Variants in FAM174A observed in about 807,000 individuals in gnomAD.
FAM174A encodes the protein family with sequence similarity 174 member A, also known as membrane protein FAM174A.
FAM174A carries 14 observed loss-of-function variants against 14.3 expected under a neutral mutation model. That is an observed-to-expected ratio of 0.98 (90% CI 0.65 to 1.53). FAM174A has a LOEUF of 1.53. Ranked by LOEUF, FAM174A falls within the 40% of genes most tolerant of loss-of-function variation. The pLI is 0.00. For synonymous variants in FAM174A, 108 were observed against 111.4 expected (o/e 0.97, Z 0.19); for missense variants, 241 against 249.6 (o/e 0.97, Z 0.23).
At chr5:100,570,258 T>C (rs1746752814) in intron 2 of FAM174A, among the ~76,000 whole-genome samples, 1 of 151,920 alleles carries the variant, frequency 6.6e-6, no homozygotes, top group Non-Finnish European at 1.5e-5. Flanking sequence ...GACATTTTTT[T>C]CGGTAATGAG....
At chr5:100,556,963 G>A (rs1243960987) in intron 1 of FAM174A, among the ~76,000 whole-genome samples, 1 of 152,154 alleles carries the variant, frequency 6.6e-6, no homozygotes, top group Non-Finnish European at 1.5e-5. Flanking sequence ...GCCCTGACCA[G>A]AACTTCCAAC....
At chr5:100,576,648 G>A (rs574188028) in intron 2 of FAM174A, among the ~76,000 whole-genome samples, 1 of 152,222 alleles carries the variant, frequency 6.6e-6, no homozygotes, top group Admixed American at 6.5e-5. Flanking sequence ...TGGATATTGA[G>A]TAGCTAACCA....
At position 100,535,587 on chromosome 5, in the gene FAM174A, C is replaced by T. The variant is rs577301081; in HGVS notation, c.57C>T (p.Leu19=). ...CLSHLLASVL[L]LLLLPELSGP... ...GCCACCTCTTGGCTTCCGTCCTCCT[C>T]CTGCTGTTGCTGCCTGAACTAAGCG... Residue 19 remains leucine (L), a synonymous_variant, in exon 1 of 3, where the codon CTC becomes CTT. Transcript: ENST00000312637. 5.6e-6 allele frequency: 9 copies of T among 1,613,302 alleles called. No homozygotes were observed. In the East Asian group the frequency reaches 1.6e-4, roughly 28 times the overall value.
At chr5:100,586,111 GAATA>G in intron 2 of FAM174A, 66 bp from the exon 3 acceptor site, 1 of 813,608 alleles carries the variant, frequency 1.2e-6, no homozygotes, top group Non-Finnish European at 1.9e-6. Flanking sequence ...AAATCTTTCT[GAATA>G]GTTTTAAATG....
At chr5:100,570,727 A>G (rs143422437) in intron 2 of FAM174A, among the ~76,000 whole-genome samples, 8 of 152,132 alleles carry the variant, frequency 5.3e-5, no homozygotes, top group African/African-American at 1.7e-4. Context: ...ATCCCGGATT[A>G]TATGCATATA....
intron 2 of FAM174A, among the ~76,000 whole-genome samples, chr5:100,582,137 T>G (rs1004829707): frequency 6.6e-6 from 1 of 152,154 alleles, no homozygotes; most frequent in African/African-American, 2.4e-5. Flanking sequence ...CAGATTGACT[T>G]TTTTTCATAG....
At chr5:100,547,935 C>T (rs554640918) in intron 1 of FAM174A, among the ~76,000 whole-genome samples, 3 of 152,048 alleles carry the variant, frequency 2.0e-5, no homozygotes, top group African/African-American at 7.2e-5. Flanking sequence ...CCACTCTTGC[C>T]TTTCTATAGG....
chr5:100,572,696 A>G (rs1746816695), intron 2 of FAM174A, among the ~76,000 whole-genome samples: 1 of 152,078 alleles, frequency 6.6e-6, no homozygotes, highest in South Asian at 2.1e-4. Context: ...ATTGTGAATA[A>G]TGCCACAATA....
rs763670180 is a variant in FAM174A, at chr5:100,535,826, A to C, written c.296A>C (p.Lys99Thr). The C allele has an allele frequency of 1.4e-5, 22 of 1,611,008 alleles. 1 individual carries two copies. The South Asian group carries it at 2.4e-4, about 18-fold the overall frequency. The change falls in exon 1 of 3, where the codon AAG (lysine) becomes ACG (threonine). Residue 99 changes from lysine (K) to threonine (T), a missense_variant. Lys to Thr is a moderately conservative substitution (Grantham distance 78). Coordinates refer to ENST00000312637, the MANE Select transcript of FAM174A (RefSeq NM_198507.3). ...CTTGAGACGGACGATCACGGAGGGA[A>C]GGCCGGGGAAGGCTCGGTGGGTGGC... ...AGLETDDHGG[K>T]AGEGSVGGGL...
chr5:100,558,191 A>G (rs1419205449), intron 1 of FAM174A, among the ~76,000 whole-genome samples: 2 of 152,078 alleles, frequency 1.3e-5, no homozygotes, highest in Non-Finnish European at 1.5e-5. Context: ...TCATTTCGTT[A>G]TGTACCCAGT....
At chr5:100,574,247 G>A (rs1012928462) in intron 2 of FAM174A, among the ~76,000 whole-genome samples, 1 of 152,036 alleles carries the variant, frequency 6.6e-6, no homozygotes, top group Non-Finnish European at 1.5e-5. Flanking sequence ...GGAGTGCAGT[G>A]GCACTATCTC....
intron 2 of FAM174A, among the ~76,000 whole-genome samples, chr5:100,573,912 A>C (rs919522544): frequency 4.6e-5 from 7 of 152,082 alleles, no homozygotes; most frequent in African/African-American, 1.7e-4. Context: ...AGCCCTCAGA[A>C]ATAACACCGC....
chr5:100,549,712 G>A (rs1312095783), intron 1 of FAM174A, among the ~76,000 whole-genome samples: 4 of 151,756 alleles, frequency 2.6e-5, no homozygotes. Context: ...AAGGATGCAC[G>A]TGGTCGAGAT....
intron 1 of FAM174A, among the ~76,000 whole-genome samples, chr5:100,542,270 G>C (rs1746072069): frequency 6.6e-6 from 1 of 152,160 alleles, no homozygotes; most frequent in Non-Finnish European, 1.5e-5. Context: ...AGATGATTCA[G>C]ACTTGTTTTC....
intron 2 of FAM174A, among the ~76,000 whole-genome samples, chr5:100,564,803 C>A (rs1438128682): frequency 6.6e-6 from 1 of 151,736 alleles, no homozygotes; most frequent in East Asian, 1.9e-4. Flanking sequence ...TAGAAACATA[C>A]AATCTATGAA....
intron 2 of FAM174A, among the ~76,000 whole-genome samples, chr5:100,569,033 A>G (rs576838686): frequency 2.6e-5 from 4 of 152,090 alleles, no homozygotes; most frequent in Non-Finnish European, 1.5e-5. Flanking sequence ...AGACACACAC[A>G]AAAGTTCTAG....
intron 2 of FAM174A, among the ~76,000 whole-genome samples, chr5:100,574,439 C>T (rs548154976): frequency 3.0e-4 from 45 of 152,196 alleles, no homozygotes; most frequent in Non-Finnish European, 6.2e-4. Flanking sequence ...CCACCCGCCT[C>T]GACCTTCCAA....
At chr5:100,545,958 G>A (rs988717384) in intron 1 of FAM174A, among the ~76,000 whole-genome samples, 1 of 152,076 alleles carries the variant, frequency 6.6e-6, no homozygotes, top group Non-Finnish European at 1.5e-5. Context: ...AAAATTATTT[G>A]ATAAGTGTTA....
intron 1 of FAM174A, among the ~76,000 whole-genome samples, chr5:100,553,381 T>G (rs1746302646): frequency 6.6e-6 from 1 of 152,080 alleles, no homozygotes; most frequent in Admixed American, 6.6e-5. Flanking sequence ...TTTTCTTCCT[T>G]GAGATGAATC....
Sources: gnomAD v4.1 joint callset for allele counts (sites outside exome capture counted in the v4.1 genomes callset) on GRCh38, gnomAD v4.1.1 for gene constraint, MANE v1.5 for transcripts, NCBI Gene and HGNC (gene_info 2026-07-23, HGNC 2026-07-21) for gene names.